The following MYO1H variants were observed in gnomAD, a reference collection of about 807,000 sequenced individuals.
MYO1H encodes myosin IH.
Under a neutral mutation model 149.3 loss-of-function variants are expected in MYO1H, and 118 were observed. The ratio of observed to expected loss-of-function variants is 0.79; its 90% confidence interval spans 0.68 to 0.92. The LOEUF (loss-of-function observed/expected upper bound fraction) is 0.92. Among genes scored for constraint, MYO1H ranks in the 40% least tolerant of loss-of-function variants. MYO1H has a pLI of 0.00. For synonymous variants in MYO1H, 447 were observed against 465.2 expected (o/e 0.96, Z 0.50); for missense variants, 1,212 against 1,280.7 (o/e 0.95, Z 0.82).
At chr12:109,414,646 T>G (rs1468025270) in intron 14 of MYO1H, among the ~76,000 whole-genome samples, 2 of 152,172 alleles carry the variant, frequency 1.3e-5, no homozygotes, top group African/African-American at 4.8e-5. Flanking sequence ...CAAATACATG[T>G]GTTTCTGTGG....
chr12:109,445,687 C>T (rs1781760797), intron 31 of MYO1H, 75 bp downstream of exon 31: 1 of 1,524,906 alleles, frequency 6.6e-7, no homozygotes, highest in Non-Finnish European at 8.7e-7. Flanking sequence ...CAATTTCAGT[C>T]CTGTAGATTG....
At chr12:109,318,983 T>G in the MYO1H span, among the ~76,000 whole-genome samples, 22 of 144,890 alleles carry the variant, frequency 1.5e-4, 2 homozygotes, top group East Asian at 2.2e-3. Context: ...TTTTTTTTTT[T>G]TTTTTTTTTT....
At chr12:109,417,830 T>G (rs1204991520) in intron 15 of MYO1H, among the ~76,000 whole-genome samples, 4 of 140,668 alleles carry the variant, frequency 2.8e-5, no homozygotes, top group Non-Finnish European at 4.7e-5. Context: ...GTTTTGTTTT[T>G]TTTGAGACGG....
intron 1 of MYO1H, among the ~76,000 whole-genome samples, chr12:109,382,619 T>C (rs1041829795): frequency 4.6e-5 from 7 of 152,090 alleles, no homozygotes; most frequent in African/African-American, 1.7e-4. Flanking sequence ...AGTGCATGTA[T>C]AGTTTTAGAG....
chr12:109,396,814 G>GTTTTTTTTTTTTTTTTTTTTTTTTTTT lies in MYO1H; in HGVS notation c.489+236_489+262dup. Among the ~76,000 whole-genome samples the GTTTTTTTTTTTTTTTTTTTTTTTTTTT allele has an allele frequency of 3.9e-5, 2 of 51,088 alleles. 1 individual carries two copies. The highest frequency in any genetic ancestry group is 8.0e-5 in the Non-Finnish European group (2 of 25,120). 33.5% of individuals were successfully genotyped at this position (51,088 alleles called of 152,430 possible). ...GACATTTGGTTTTTGTTTTGGTTTC[G>GTTTTTTTTTTTTTTTTTTTTTTTTTTT]TTTTTTTTTTTTTTTTTTTTTTTTT... On this transcript the variant is annotated intron_variant, in intron 4 of 31. Coordinates refer to ENST00000310903, the Ensembl canonical transcript of MYO1H.
chr12:109,431,837 T>C (rs1415362050), intron 19 of MYO1H, among the ~76,000 whole-genome samples: 3 of 151,992 alleles, frequency 2.0e-5, no homozygotes, highest in South Asian at 4.1e-4. Context: ...ACCCTTTCTT[T>C]CTCTTCTCTA....
chr12:109,396,831 T>G (rs1209631150), intron 4 of MYO1H, among the ~76,000 whole-genome samples: 5 of 132,274 alleles, frequency 3.8e-5, no homozygotes, highest in East Asian at 4.4e-4. Context: ...TTTTTTTTTT[T>G]TTTTTTTTTT....
chr12:109,388,847 A>G lies in MYO1H; in HGVS notation c.174+3A>G. The G allele has an allele frequency of 6.2e-7, 1 of 1,600,632 alleles. No individual in the cohort carries two copies. On this transcript the variant is annotated splice_donor_region_variant and intron_variant, in intron 2 of 31. Transcript: ENST00000310903. Reference sequence around the variant, plus strand: ...GTTTCAGCGAGAACCTCATATACGTAACGTGACCCACTTCTCAGCTGTTTT... The same window carrying G: ...GTTTCAGCGAGAACCTCATATACGTGACGTGACCCACTTCTCAGCTGTTTT...
rs767837788 is a variant in MYO1H at position 109,444,515 on chromosome 12, T to A, written c.2979T>A (p.Asn993Lys). Residue 993 changes from asparagine (N) to lysine (K), a missense_variant, in exon 30 of 32, where the codon AAT becomes AAA. Physicochemically the swap from Asn to Lys is moderately conservative, Grantham distance 94 (BLOSUM62 0). Transcript: ENST00000310903. Reference sequence around the variant, plus strand: ...TGGTTAAGAAGGAGAACATTGTCAATGTTGTTCAAGGAAGGTAGGTGGCTT... The same window carrying A: ...TGGTTAAGAAGGAGAACATTGTCAAAGTTGTTCAAGGAAGGTAGGTGGCTT... 30 of 1,613,638 alleles carry A rather than the reference T, an allele frequency of 1.9e-5. No individual in the cohort carries two copies. The highest frequency in any genetic ancestry group is 2.3e-5 in the Non-Finnish European group (27 of 1,179,676).
At chr12:109,316,540 CTGTT>C in the MYO1H span, among the ~76,000 whole-genome samples, 1 of 152,176 alleles carries the variant, frequency 6.6e-6, no homozygotes, top group Non-Finnish European at 1.5e-5. Context: ...ACAATCCTGG[CTGTT>C]TGTTTTAGAA....
chr12:109,406,068 G>A (rs1278740904), intron 8 of MYO1H, 33 bp downstream of exon 8: 2 of 1,496,466 alleles, frequency 1.3e-6, no homozygotes, highest in Non-Finnish European at 9.3e-7. Flanking sequence ...GACAGAAGGA[G>A]GGGGATGGGT....
chr12:109,424,432 G>GCCTGAGCCCCACCATT (rs776633909), intron 16 of MYO1H, among the ~76,000 whole-genome samples: 2 of 152,188 alleles, frequency 1.3e-5, no homozygotes, highest in Non-Finnish European at 2.9e-5. Flanking sequence ...GGGATTACAA[G>GCCTGAGCCCCACCATT]CCTGAGCCCC....
chr12:109,422,657 G>A (rs944556054), intron 16 of MYO1H, among the ~76,000 whole-genome samples: 1 of 152,136 alleles, frequency 6.6e-6, no homozygotes, highest in African/African-American at 2.4e-5. Context: ...GAAGCTCCCT[G>A]AACTTTTTGA....
the MYO1H span, among the ~76,000 whole-genome samples, chr12:109,313,202 G>A: frequency 1.3e-5 from 2 of 152,080 alleles, no homozygotes; most frequent in South Asian, 4.2e-4. Flanking sequence ...AGTTAAGATT[G>A]CACTACTGCA....
intron 1 of MYO1H, among the ~76,000 whole-genome samples, chr12:109,379,699 T>TA (rs546760295): frequency 6.9e-4 from 104 of 150,220 alleles, no homozygotes; most frequent in African/African-American, 2.5e-3. Context: ...TGCTTATATT[T>TA]AAAAAAGAAA....
At chr12:109,336,035 C>T in the MYO1H span, among the ~76,000 whole-genome samples, 1 of 152,056 alleles carries the variant, frequency 6.6e-6, no homozygotes, top group Non-Finnish European at 1.5e-5. Context: ...GGCTGAAGTG[C>T]AGTGGCACAA....
At chr12:109,332,552 T>G in the MYO1H span, among the ~76,000 whole-genome samples, 2 of 152,226 alleles carry the variant, frequency 1.3e-5, no homozygotes, top group African/African-American at 4.8e-5. Flanking sequence ...TGCAACTGCA[T>G]TGTGCCCTGG....
chr12:109,390,286 C>G (rs1344080519), intron 2 of MYO1H, among the ~76,000 whole-genome samples: 4 of 151,650 alleles, frequency 2.6e-5, no homozygotes, highest in Non-Finnish European at 4.4e-5. Context: ...AGCACTCCTC[C>G]TGCCTCAGCC....
At chr12:109,397,918 C>A in intron 5 of MYO1H, 106 bp downstream of exon 5, 4 of 724,598 alleles carry the variant, frequency 5.5e-6, no homozygotes, top group South Asian at 2.6e-5. Flanking sequence ...TTGGCTCAAG[C>A]TATTTAAAAA....
Sources: gnomAD v4.1 joint callset for allele counts (sites outside exome capture counted in the v4.1 genomes callset) on GRCh38, gnomAD v4.1.1 for gene constraint, MANE v1.5 for transcripts, NCBI Gene and HGNC (gene_info 2026-07-23, HGNC 2026-07-21) for gene names.